The following NRAP variants were observed in gnomAD, a reference collection of about 807,000 sequenced individuals.
The protein encoded by NRAP is nebulin-related-anchoring protein.
In NRAP, 189 loss-of-function variants were observed where a neutral mutation model predicts 225.9. That is an observed-to-expected ratio of 0.84 (90% CI 0.74 to 0.94). NRAP has a LOEUF of 0.94. Ranked by LOEUF, NRAP falls within the 40% of genes least tolerant of loss-of-function variation. The pLI is 0.00. For synonymous variants in NRAP, 769 were observed against 790.7 expected, an observed-to-expected ratio of 0.97 and a Z score of 0.46; for missense variants, 2,176 against 2,168.7, an observed-to-expected ratio of 1.00 and a Z score of -0.07.
At chr10:113,633,959 A>C (rs548775301) in intron 15 of NRAP, among the ~76,000 whole-genome samples, 153 bp downstream of exon 15, 6 of 152,166 alleles carry the variant, frequency 3.9e-5, no homozygotes, top group African/African-American at 1.4e-4. Flanking sequence ...TTCCATAATA[A>C]AAAGTTTAAA....
chr10:113,590,700 C>T lies in NRAP; in HGVS notation c.4834G>A (p.Ala1612Thr). The change falls in exon 40 of 42, where the codon GCC becomes ACC. Residue 1612 changes from alanine (A) to threonine (T), a missense_variant. This residue lies in a region of NRAP where 445 missense variants were observed against 426.1 expected (regional missense o/e 1.04). Transcript: ENST00000359988. ...CTGGCCAGCTGCTGGCTCCTCTTGG[C>T]CTGAAGGAGGCCGGGCTGGTCTGTG... is the stretch of plus-strand genomic sequence containing the variant. Reference protein sequence around the residue: ...SSTDQPGLLQAKRSQQLASDV... With the variant: ...SSTDQPGLLQTKRSQQLASDV... 1 of 1,614,212 alleles carries T rather than the reference C, an allele frequency of 6.2e-7. No homozygotes were observed. Among genetic ancestry groups the T allele is most frequent in the Non-Finnish European group, 8.5e-7 (1 of 1,180,046 alleles).
chr10:113,589,153 A>G (rs918524805), intron 41 of NRAP, 74 bp from the exon 42 acceptor site: 1 of 1,231,176 alleles, frequency 8.1e-7, no homozygotes, highest in Non-Finnish European at 1.2e-6. Context: ...TTCCCACAGG[A>G]CACGCTAAGA....
chr10:113,641,098 C>G (rs1849175066), intron 13 of NRAP, among the ~76,000 whole-genome samples: 2 of 152,280 alleles, frequency 1.3e-5, no homozygotes, highest in East Asian at 1.9e-4. Context: ...AAAGTGTTAA[C>G]CACACTGGAT....
chr10:113,639,741 G>A (rs563462380), intron 14 of NRAP, among the ~76,000 whole-genome samples: 6 of 152,216 alleles, frequency 3.9e-5, no homozygotes, highest in Admixed American at 1.3e-4. Flanking sequence ...AAATAAAATC[G>A]CTGCTGTAAT....
At chr10:113,591,908 AC>A (rs1846014974) in intron 39 of NRAP, among the ~76,000 whole-genome samples, 1 of 152,144 alleles carries the variant, frequency 6.6e-6, no homozygotes, top group African/African-American at 2.4e-5. Context: ...CAAATCAACA[AC>A]CCAAGCTCAT....
intron 25 of NRAP, among the ~76,000 whole-genome samples, chr10:113,619,843 G>A (rs912581471): frequency 6.6e-6 from 1 of 152,140 alleles, no homozygotes; most frequent in Non-Finnish European, 1.5e-5. Context: ...TGGGAGCCTT[G>A]TCCTGTGCCT....
At chr10:113,616,615 T>G (rs1830569372) in intron 26 of NRAP, among the ~76,000 whole-genome samples, 1 of 152,238 alleles carries the variant, frequency 6.6e-6, no homozygotes. Context: ...TCCCAGATTC[T>G]GACAGGCACT....
chr10:113,656,093 A>C (rs1850292453), intron 4 of NRAP, among the ~76,000 whole-genome samples: 1 of 152,186 alleles, frequency 6.6e-6, no homozygotes, highest in South Asian at 2.1e-4. Context: ...CCTACCGACC[A>C]GCATTAACAC....
chr10:113,605,331 C>T (rs765803578), intron 34 of NRAP, among the ~76,000 whole-genome samples: 28 of 152,330 alleles, frequency 1.8e-4, no homozygotes, highest in Middle Eastern at 3.4e-3. Context: ...AAGCTATGGA[C>T]GTTATCAACA....
Position 113,592,174 on chromosome 10 carries a change from A to C in NRAP, c.4644+20T>G. On this transcript the variant is annotated intron_variant, in intron 39 of 41. Coordinates refer to ENST00000359988, the MANE Select transcript of NRAP (RefSeq NM_198060.4). ...AGAAAAACTCATCAGTGACCGCAGG[A>C]GAGAACATGGGGGTCTTACATCACT... 6.7e-7 allele frequency: 1 copy of C among 1,489,128 alleles called. No individual in the cohort carries two copies. The highest frequency in any genetic ancestry group is 2.3e-5 in the East Asian group (1 of 43,322). 92.2% of individuals were successfully genotyped at this position (1,489,128 alleles called of 1,614,324 possible). A position where few individuals can be genotyped will look rare whatever the true frequency, so the allele number is the denominator to read the frequency against.
rs1018467447 is a variant in NRAP at position 113,606,231 on chromosome 10, G to A, written c.3754C>T (p.Leu1252=). ...EDARHEYTMT[L]GLPEFIRAKT... ...GCTCGGATGAACTCGGGCAGACCCAGGGTCATTGTATACTCGTGTCTTGCA... is the reference window on the plus strand; with the variant it reads ...GCTCGGATGAACTCGGGCAGACCCAAGGTCATTGTATACTCGTGTCTTGCA... Residue 1252 remains leucine (L), a synonymous_variant, in exon 33 of 42, where the codon CTG becomes TTG. Coordinates refer to ENST00000359988, the MANE Select transcript of NRAP (RefSeq NM_198060.4). The A allele has an allele frequency of 2.5e-6, 4 of 1,614,190 alleles. No homozygotes were observed. In the African/African-American group the frequency reaches 4.0e-5, roughly 16 times the overall value.
At chr10:113,618,474 C>T (rs191078605) in intron 25 of NRAP, among the ~76,000 whole-genome samples, 2 of 152,372 alleles carry the variant, frequency 1.3e-5, no homozygotes, top group East Asian at 1.9e-4. Flanking sequence ...CATTCACTTA[C>T]GTGCTGCCTA....
chr10:113,614,721 G>C, intron 28 of NRAP, 118 bp downstream of exon 28: 1 of 682,304 alleles, frequency 1.5e-6, no homozygotes, highest in Non-Finnish European at 2.7e-6. Context: ...CCCTGACACA[G>C]TCAGTTCGGA....
At chr10:113,601,892 A>AT (rs1484920235) in intron 35 of NRAP, among the ~76,000 whole-genome samples, 1 of 151,928 alleles carries the variant, frequency 6.6e-6, no homozygotes. Flanking sequence ...CTTTCTTTTT[A>AT]TTTTTTTGAG....
Position 113,597,957 on chromosome 10 carries a change from G to C in NRAP, c.4332+12C>G. The C allele has an allele frequency of 3.8e-6, 6 of 1,572,496 alleles. No individual in the cohort carries two copies. Among genetic ancestry groups the C allele is most frequent in the Non-Finnish European group, 5.3e-6 (6 of 1,142,078 alleles). ...GCCCTTGTCACTTGTGGTGGGGACA[G>C]GTTGATGGTACCTCGCTGATGAGTT... On this transcript the variant is annotated intron_variant, in intron 36 of 41. Transcript: ENST00000359988.
chr10:113,658,840 C>T (rs953493976), intron 3 of NRAP, among the ~76,000 whole-genome samples: 1 of 149,372 alleles, frequency 6.7e-6, no homozygotes, highest in African/African-American at 2.5e-5. Context: ...CGACATCACA[C>T]CACTGCACTC....
rs1847611290 is a variant in NRAP at position 113,615,660 on chromosome 10, AC to A, written c.3078+51del. ...ACAGGGCATTGTGTGCCTGCCCATG[AC>A]CAGCCCCGCTCTCCCGTCATTAAAA... On this transcript the variant is annotated intron_variant, in intron 27 of 41. Transcript: ENST00000359988. 1.8e-5 allele frequency: 18 copies of A among 998,708 alleles called. No homozygotes were observed. In the South Asian group the frequency reaches 2.1e-4, roughly 12 times the overall value. 61.9% of individuals were successfully genotyped at this position (998,708 alleles called of 1,614,324 possible).
At chr10:113,625,688 A>C (rs1848249743) in intron 21 of NRAP, among the ~76,000 whole-genome samples, 1 of 152,202 alleles carries the variant, frequency 6.6e-6, no homozygotes, top group Non-Finnish European at 1.5e-5. Flanking sequence ...ACACACCCCA[A>C]ACGCAAATGT....
At chr10:113,648,467 C>CTCTCTATATATA (rs749486311) in intron 9 of NRAP, among the ~76,000 whole-genome samples, 329 of 87,328 alleles carry the variant, frequency 3.8e-3, no homozygotes, top group Admixed American at 7.2e-3. Context: ...CTCTCTCTCT[C>CTCTCTATATATA]TATATATATA....
Sources: gnomAD v4.1 joint callset for allele counts (sites outside exome capture counted in the v4.1 genomes callset) on GRCh38, gnomAD v4.1.1 for gene constraint, gnomAD v4.1.1 regional missense constraint, MANE v1.5 for transcripts, NCBI Gene and HGNC (gene_info 2026-07-23, HGNC 2026-07-21) for gene names.